Variants in PANX1 observed in about 807,000 individuals in gnomAD.
PANX1 encodes the protein pannexin-1.
In PANX1, 30 loss-of-function variants were observed where a neutral mutation model predicts 38.7. The ratio of observed to expected loss-of-function variants is 0.78; its 90% CI spans 0.58 to 1.05. The LOEUF is 1.05. Among genes scored for constraint, PANX1 ranks in the 50% least tolerant of loss-of-function variants. PANX1 has a pLI of 0.00. For synonymous variants in PANX1, 230 were observed against 212.2 expected (o/e 1.08, Z -0.73); for missense variants, 551 against 517.2 (o/e 1.07, Z -0.63).
chr11:94,145,769 C>T (rs191062170), intron 1 of PANX1, among the ~76,000 whole-genome samples: 18 of 152,276 alleles, frequency 1.2e-4, no homozygotes, highest in Non-Finnish European at 1.2e-4. Flanking sequence ...ATTTTGTGTA[C>T]AGTTTGGGAT....
chr11:94,140,889 CT>C (rs1429778392), intron 1 of PANX1, among the ~76,000 whole-genome samples: 1 of 151,996 alleles, frequency 6.6e-6, no homozygotes, highest in Non-Finnish European at 1.5e-5. Flanking sequence ...AAAACAAAAA[CT>C]TAGTAATAAG....
chr11:94,133,999 C>T (rs1172389346), intron 1 of PANX1, among the ~76,000 whole-genome samples: 1 of 151,260 alleles, frequency 6.6e-6, no homozygotes, highest in Non-Finnish European at 1.5e-5. Flanking sequence ...TCAGGCCTGT[C>T]CTGGCCACCT....
In PANX1 at chr11:94,179,796, G is replaced by A; in HGVS notation, c.740G>A (p.Ser247Asn). The change falls in exon 4 of 5, where the codon AGC becomes AAC. Residue 247 changes from serine to asparagine, a missense_variant. Ser to Asn is a conservative substitution (Grantham distance 46). Transcript: ENST00000227638. ...TCACTCTCAGACGAGTTTGTGTGCA[G>A]CATCAAATCAGGGATCCTGAGAAAC... is the stretch of plus-strand genomic sequence containing the variant. ...LSSLSDEFVC[S>N]IKSGILRNDS... The A allele has an allele frequency of 6.2e-7, 1 of 1,614,116 alleles. No homozygotes were observed. Among genetic ancestry groups the A allele is most frequent in the Non-Finnish European group, 8.5e-7 (1 of 1,179,994 alleles).
chr11:94,158,466 C>A (rs1946981742), intron 2 of PANX1, among the ~76,000 whole-genome samples: 1 of 151,974 alleles, frequency 6.6e-6, no homozygotes, highest in Admixed American at 6.6e-5. Context: ...TCCTTCACAT[C>A]CCTTGTAAGT....
intron 1 of PANX1, among the ~76,000 whole-genome samples, chr11:94,150,415 T>C (rs1243096035): frequency 6.6e-6 from 1 of 152,216 alleles, no homozygotes; most frequent in Non-Finnish European, 1.5e-5. Context: ...CTCAGACTAC[T>C]TGGAAAACTC....
At chr11:94,136,550 G>A (rs942748797) in intron 1 of PANX1, among the ~76,000 whole-genome samples, 2 of 152,122 alleles carry the variant, frequency 1.3e-5, no homozygotes, top group African/African-American at 4.8e-5. Context: ...GGAGGCCGAC[G>A]TGGGCGGATC....
At chr11:94,139,145 C>A (rs184660676) in intron 1 of PANX1, among the ~76,000 whole-genome samples, 1 of 152,128 alleles carries the variant, frequency 6.6e-6, no homozygotes, top group Non-Finnish European at 1.5e-5. Context: ...TTCCACTGGT[C>A]TATTAATTTT....
At chr11:94,145,383 G>T (rs1433052959) in intron 1 of PANX1, among the ~76,000 whole-genome samples, 1 of 152,184 alleles carries the variant, frequency 6.6e-6, no homozygotes, top group Non-Finnish European at 1.5e-5. Flanking sequence ...TGAGTGATCT[G>T]CCCCAAACCT....
intron 1 of PANX1, among the ~76,000 whole-genome samples, chr11:94,140,404 A>G (rs1333027439): frequency 6.6e-6 from 1 of 152,224 alleles, no homozygotes; most frequent in African/African-American, 2.4e-5. Flanking sequence ...AGAGGTAACT[A>G]CTGTTCCTGT....
At chr11:94,160,160 T>G (rs1284083369) in intron 2 of PANX1, among the ~76,000 whole-genome samples, 1 of 152,174 alleles carries the variant, frequency 6.6e-6, no homozygotes, top group East Asian at 1.9e-4. Context: ...TGTGGTCAAT[T>G]TTGGAATAAG....
chr11:94,144,724 TGCACC>T (rs1158741519), intron 1 of PANX1, among the ~76,000 whole-genome samples: 2 of 152,152 alleles, frequency 1.3e-5, no homozygotes, highest in Non-Finnish European at 2.9e-5. Context: ...ATGGCCTGTC[TGCACC>T]TTCTCTCCTC....
chr11:94,157,381 C>T (rs543388289), intron 2 of PANX1, among the ~76,000 whole-genome samples: 6 of 152,314 alleles, frequency 3.9e-5, no homozygotes, highest in African/African-American at 1.4e-4. Flanking sequence ...TATTCCTCCA[C>T]CTCCTCTCCC....
intron 1 of PANX1, among the ~76,000 whole-genome samples, chr11:94,153,078 CT>C (rs1322998187): frequency 6.6e-6 from 1 of 152,138 alleles, no homozygotes; most frequent in Non-Finnish European, 1.5e-5. Context: ...TCTAAAAGAA[CT>C]TGTTTTTTTA....
At chr11:94,161,299 G>A (rs1947029840) in intron 2 of PANX1, among the ~76,000 whole-genome samples, 1 of 152,182 alleles carries the variant, frequency 6.6e-6, no homozygotes, top group Admixed American at 6.5e-5. Flanking sequence ...AAGTTCTCCT[G>A]GATAATATCC....
chr11:94,175,602 T>C (rs548658203), intron 2 of PANX1: 2 of 265,058 alleles, frequency 7.5e-6, no homozygotes, highest in South Asian at 1.4e-4. Flanking sequence ...TAGAAAAAGT[T>C]TTCTCCCTGT....
chr11:94,179,835 C>T lies in PANX1; in HGVS notation c.779C>T (p.Pro260Leu). ...ATCCTGAGAAACGACAGCACCGTGC[C>T]CGATCAGTTTCAGTGCAAACTCATT... ...SGILRNDSTV[P>L]DQFQCKLIAV... The change falls in exon 4 of 5, where the codon CCC (proline) becomes CTC (leucine). Residue 260 changes from proline to leucine, a missense_variant. Physicochemically the swap from Pro to Leu is moderately conservative, Grantham distance 98. Transcript: ENST00000227638. 1 of 1,614,082 alleles carries T rather than the reference C, an allele frequency of 6.2e-7. No homozygotes were observed. The highest frequency in any genetic ancestry group is 8.5e-7 in the Non-Finnish European group (1 of 1,180,024).
intron 2 of PANX1, chr11:94,175,856 G>A (rs1016380413): frequency 6.1e-6 from 6 of 984,526 alleles, no homozygotes; most frequent in East Asian, 1.1e-4. Flanking sequence ...ACCTCATCCC[G>A]TGCCAGAATG....
chr11:94,160,006 A>G (rs1395770403), intron 2 of PANX1, among the ~76,000 whole-genome samples: 2 of 151,952 alleles, frequency 1.3e-5, no homozygotes, highest in African/African-American at 4.8e-5. Context: ...ATTCAGGAGC[A>G]GGTTGTTCAG....
Position 94,180,189 on chromosome 11 carries a change from T to A in PANX1, c.1133T>A (p.Val378Asp). ...CTTGGCATGATCAAGATGGATGTTG[T>A]TGATGGCAAAACTCCCATGTCTGCA... ...TNLGMIKMDV[V>D]DGKTPMSAEM... The change falls in exon 4 of 5, where the codon GTT (valine) becomes GAT (aspartate). Residue 378 changes from valine (V) to aspartate (D), a missense_variant. Coordinates refer to ENST00000227638, the MANE Select transcript of PANX1 (RefSeq NM_015368.4). 6.2e-7 allele frequency: 1 copy of A among 1,613,878 alleles called. No individual in the cohort carries two copies. The highest frequency in any genetic ancestry group is 2.2e-5 in the East Asian group (1 of 44,852).
Sources: allele counts gnomAD v4.1 joint callset (sites outside exome capture counted in the v4.1 genomes callset), GRCh38; gene constraint gnomAD v4.1.1; transcripts MANE v1.5; gene names NCBI Gene and HGNC (gene_info 2026-07-23, HGNC 2026-07-21).